Variants in GNL2 observed in about 807,000 individuals in gnomAD.
GNL2 encodes the protein nucleolar GTP-binding protein 2.
A neutral mutation model predicts 92.3 loss-of-function variants in GNL2; 51 were observed. That is an observed-to-expected ratio of 0.55 (90% CI 0.44 to 0.70). The LOEUF (loss-of-function observed/expected upper bound fraction) is 0.70. Among genes scored for constraint, GNL2 ranks in the 30% least tolerant of loss-of-function variants. GNL2 has a pLI of 0.00. For missense variants in GNL2, 844 were observed against 895.6 expected (o/e 0.94, Z 0.74); for synonymous variants, 283 against 300.6 (o/e 0.94, Z 0.61).
chr1:37,587,836 A>C (rs1643866045), intron 4 of GNL2, among the ~76,000 whole-genome samples: 2 of 152,260 alleles, frequency 1.3e-5, no homozygotes, highest in Non-Finnish European at 2.9e-5. Flanking sequence ...TTAAGGCTAC[A>C]GTGGTGAAAA....
intron 8 of GNL2, among the ~76,000 whole-genome samples, chr1:37,577,223 T>A (rs948187038): frequency 6.6e-6 from 1 of 152,164 alleles, no homozygotes; most frequent in East Asian, 1.9e-4. Context: ...GTTCATCAAC[T>A]GGACAATCCC....
In GNL2 at chr1:37,582,227, C is replaced by T; in HGVS notation, c.905G>A (p.Gly302Glu). 3 of 1,605,686 alleles carry T rather than the reference C, an allele frequency of 1.9e-6. No individual in the cohort carries two copies. Among genetic ancestry groups the T allele is most frequent in the South Asian group, 1.1e-5 (1 of 90,380 alleles). Residue 302 changes from glycine to glutamate, a missense_variant, in exon 8 of 16, where the codon GGA (glycine) becomes GAA (glutamate). Transcript: ENST00000373062. ...GAFIQLLRQF[G>E]KLHTDKKQIS... is the part of the protein sequence containing the mutation. ...AAACAGATCAGGGCTCAATACCTTT[C>T]CAAACTGCCGCAGAAGCTGAATGAA...
intron 12 of GNL2, chr1:37,569,543 T>C (rs1005854202): frequency 2.3e-6 from 1 of 443,180 alleles, no homozygotes; most frequent in Non-Finnish European, 4.0e-6. Context: ...CTAAGACTAT[T>C]TAAACCATTA....
intron 12 of GNL2, among the ~76,000 whole-genome samples, chr1:37,573,217 G>A (rs1643621564): frequency 1.3e-5 from 2 of 152,194 alleles, no homozygotes; most frequent in Non-Finnish European, 2.9e-5. Flanking sequence ...TCAGTTTCAG[G>A]CTAACTTTCA....
At chr1:37,583,793 C>T in intron 6 of GNL2, 74 bp downstream of exon 6, 1 of 876,848 alleles carries the variant, frequency 1.1e-6, no homozygotes, top group South Asian at 1.3e-5. Flanking sequence ...TTCAATATAT[C>T]AAAATTAGTT....
In GNL2 at chr1:37,575,869, T is replaced by C. The variant is rs1236248312; in HGVS notation, c.1039-170A>G. 6.6e-6 allele frequency among the ~76,000 whole-genome samples: 1 copy of C among 152,236 alleles called. No individual in the cohort carries two copies. Among genetic ancestry groups the C allele is most frequent in the Admixed American group, 6.5e-5 (1 of 15,286 alleles). On this transcript the variant is annotated intron_variant, in intron 9 of 15. Coordinates refer to ENST00000373062, the MANE Select transcript of GNL2 (RefSeq NM_013285.3). This position sits in a 1 kb window ranked among gnomAD's most constrained non-coding sequence, Gnocchi z 4.1. Reference sequence around the variant, plus strand: ...TCTCTCATCTGTGCCGTGCACAAGATACTTCCACTAAGTGTAAACTATAGT... The same window carrying C: ...TCTCTCATCTGTGCCGTGCACAAGACACTTCCACTAAGTGTAAACTATAGT...
In GNL2 at chr1:37,592,798, C is replaced by T. The variant is rs774471734; in HGVS notation, c.158G>A (p.Arg53His). ...TTGCAGGGGTTTAATTATTTTACCA[C>T]GACTGTTCCTAAATTGAGGAAAGAA... ...MYRQKERRNS[R>H]GKIIKPLQYQ... Residue 53 changes from arginine (R) to histidine (H), a missense_variant, in exon 3 of 16, where the codon CGT becomes CAT. Coordinates refer to ENST00000373062, the MANE Select transcript of GNL2 (RefSeq NM_013285.3). The T allele has an allele frequency of 8.2e-6, 13 of 1,589,934 alleles. No homozygotes were observed. Among genetic ancestry groups the T allele is most frequent in the East Asian group, 2.2e-5 (1 of 44,782 alleles).
chr1:37,569,566 G>T, intron 12 of GNL2: 1 of 377,034 alleles, frequency 2.7e-6, no homozygotes, highest in South Asian at 4.0e-5. Flanking sequence ...ACCAACCAAT[G>T]ATTTATCATA....
In GNL2 at chr1:37,574,257, C is replaced by T. The variant is rs188720818; in HGVS notation, c.1416+86G>A. The T allele has an allele frequency of 1.8e-4, 128 of 705,472 alleles. No individual in the cohort carries two copies. The Middle Eastern group carries it at 3.0e-3, about 16-fold the overall frequency. The allele number at this position is 705,472 out of a possible 1,614,324, so 43.7% of individuals were successfully genotyped here. ...GAGACACCGCAGCTGAATGAATACA[C>T]GCTCTATGAAGAGAGACAATCACAA... On this transcript the variant is annotated intron_variant, in intron 12 of 15. Transcript: ENST00000373062.
chr1:37,579,683 G>A (rs942349214), intron 8 of GNL2, among the ~76,000 whole-genome samples: 1 of 151,916 alleles, frequency 6.6e-6, no homozygotes, highest in African/African-American at 2.4e-5. Context: ...GGATCACGAG[G>A]TCAAGAGATC....
In GNL2 at chr1:37,569,253, T is replaced by A. The variant is rs201887622; in HGVS notation, c.1466A>T (p.Asn489Ile). ...LEVVPEAAQN[N>I]PGEEVTETAG... ...AGTTTCTGTGACTTCCTCCCCTGGA[T>A]TGTTCTGGGCTGCTTCTGGGACAAC... Residue 489 changes from asparagine (N) to isoleucine (I), a missense_variant, in exon 13 of 16, where the codon AAT becomes ATT. Coordinates refer to ENST00000373062, the MANE Select transcript of GNL2 (RefSeq NM_013285.3). 1 of 1,613,364 alleles carries A rather than the reference T, an allele frequency of 6.2e-7. No individual in the cohort carries two copies. The highest frequency in any genetic ancestry group is 1.7e-5 in the Admixed American group (1 of 60,024).
chr1:37,582,909 G>T lies in GNL2; in HGVS notation c.664C>A (p.Gln222Lys). Residue 222 changes from glutamine (Q) to lysine (K), a missense_variant, in exon 7 of 16, where the codon CAA becomes AAA. Physicochemically the swap from Gln to Lys is moderately conservative, Grantham distance 53. Transcript: ENST00000373062. ...KVIDSSDVVVQVLDARDPMGT... is the reference protein window; with the variant it reads ...KVIDSSDVVVKVLDARDPMGT... The stretch of plus-strand genomic sequence containing the variant: ...ATTGGATCTCTAGCATCAAGAACTT[G>T]AACTACAACATCTGATGAATCTATC... The T allele has an allele frequency of 6.2e-7, 1 of 1,612,248 alleles. No homozygotes were observed. The highest frequency in any genetic ancestry group is 8.5e-7 in the Non-Finnish European group (1 of 1,178,866).
intron 8 of GNL2, chr1:37,581,254 A>C: frequency 2.4e-6 from 1 of 418,956 alleles, no homozygotes; most frequent in Non-Finnish European, 4.8e-6. Context: ...GCTTCTGTAA[A>C]GTGGGGAAGG....
At chr1:37,576,043 C>A in intron 9 of GNL2, 1 of 302,382 alleles carries the variant, frequency 3.3e-6, no homozygotes, top group Non-Finnish European at 6.1e-6. Context: ...CAAAACCATG[C>A]TGTTCCCCAC....
intron 4 of GNL2, among the ~76,000 whole-genome samples, chr1:37,588,741 T>G (rs929732298): frequency 2.0e-5 from 3 of 152,158 alleles, no homozygotes; most frequent in East Asian, 1.9e-4. Flanking sequence ...AGAAATACAG[T>G]AGTTCTAAAA....
chr1:37,592,695 C>T lies in GNL2; in HGVS notation c.244+17G>A. 7.4e-7 allele frequency: 1 copy of T among 1,359,844 alleles called. No homozygotes were observed. Among genetic ancestry groups the T allele is most frequent in the Non-Finnish European group, 1.1e-6 (1 of 949,368 alleles). 84.2% of individuals were successfully genotyped at this position (1,359,844 alleles called of 1,614,324 possible). ...GCATATATTTTGTAGAGCAAAGTAA[C>T]AGGGGATAATACTCACCAAACCATT... On this transcript the variant is annotated intron_variant, in intron 3 of 15. Transcript: ENST00000373062.
At chr1:37,568,146 TTAAAG>T (rs1557635903) in intron 14 of GNL2, 124 bp downstream of exon 14, 1 of 642,546 alleles carries the variant, frequency 1.6e-6, no homozygotes, top group Non-Finnish European at 2.8e-6. Flanking sequence ...CTATGTAAAT[TTAAAG>T]TAATCTGCCA....
At position 37,575,774 on chromosome 1, in the gene GNL2, T is replaced by C. The variant is rs559158591; in HGVS notation, c.1039-75A>G. 8 of 883,052 alleles carry C rather than the reference T, an allele frequency of 9.1e-6. No homozygotes were observed. The highest frequency in any genetic ancestry group is 1.7e-5 in the African/African-American group (1 of 57,842). The allele number at this position is 883,052 out of a possible 1,614,324, so 54.7% of individuals were successfully genotyped here. ...TAATTTCACAAACCCCTGATGCTCATGTATGAAGCTGGAAAGGAGGAAGGG... is the reference window on the plus strand; with the variant it reads ...TAATTTCACAAACCCCTGATGCTCACGTATGAAGCTGGAAAGGAGGAAGGG... On this transcript the variant is annotated intron_variant, in intron 9 of 15. Coordinates refer to ENST00000373062, the MANE Select transcript of GNL2 (RefSeq NM_013285.3). This position sits in a 1 kb window ranked among gnomAD's most constrained non-coding sequence, Gnocchi z 4.1.
In GNL2 at chr1:37,574,722, C is replaced by G; in HGVS notation, c.1245G>C (p.Trp415Cys). The change falls in exon 11 of 16, where the codon TGG becomes TGC. Residue 415 changes from tryptophan to cysteine, a missense_variant. Coordinates refer to ENST00000373062, the MANE Select transcript of GNL2 (RefSeq NM_013285.3). Reference sequence around the variant, plus strand: ...TCTCAAGAAAGTCCTCAGCATTCTCCCAAGAATCAATCTTGTATGTTTTGC... The same window carrying G: ...TCTCAAGAAAGTCCTCAGCATTCTCGCAAGAATCAATCTTGTATGTTTTGC... ...YISKTYKIDS[W>C]ENAEDFLEKL... is the part of the protein sequence containing the mutation. 1 of 1,613,878 alleles carries G rather than the reference C, an allele frequency of 6.2e-7. No individual in the cohort carries two copies. The highest frequency in any genetic ancestry group is 1.1e-5 in the South Asian group (1 of 91,082).
Sources: gnomAD v4.1 joint callset for allele counts (sites outside exome capture counted in the v4.1 genomes callset) on GRCh38, gnomAD v4.1.1 for gene constraint, Gnocchi (gnomAD v3.1) non-coding constraint, MANE v1.5 for transcripts, NCBI Gene and HGNC (gene_info 2026-07-23, HGNC 2026-07-21) for gene names.